The following EIF4E variants were observed in gnomAD, a reference collection of about 807,000 sequenced individuals.
EIF4E encodes eIF-4F 25 kDa subunit.
For missense variants in EIF4E, 113 were observed against 265.6 expected, an observed-to-expected ratio of 0.43 and a Z score of 3.99; for synonymous variants, 71 against 88.5, an observed-to-expected ratio of 0.80 and a Z score of 1.11.
At chr4:98,919,857 C>T (rs936285391) in intron 1 of EIF4E, among the ~76,000 whole-genome samples, 1 of 152,110 alleles carries the variant, frequency 6.6e-6, no homozygotes, top group African/African-American at 2.4e-5. Context: ...CCATGCCCGG[C>T]CAGAATTTCT....
At chr4:98,907,653 T>C (rs1478710884) in intron 1 of EIF4E, among the ~76,000 whole-genome samples, 1 of 152,160 alleles carries the variant, frequency 6.6e-6, no homozygotes, top group Non-Finnish European at 1.5e-5. Context: ...AATGGGTAGC[T>C]CAACAAGACA....
intron 1 of EIF4E, among the ~76,000 whole-genome samples, chr4:98,906,925 G>C (rs1313899103): frequency 6.6e-6 from 1 of 152,008 alleles, no homozygotes; most frequent in East Asian, 1.9e-4. Context: ...TATCTCCTAG[G>C]ATCACAATGG....
chr4:98,927,217 A>G (rs1478064688), intron 1 of EIF4E, among the ~76,000 whole-genome samples: 5 of 152,216 alleles, frequency 3.3e-5, no homozygotes, highest in Admixed American at 2.6e-4. Context: ...CCAGGAACAT[A>G]AATGAAAACT....
At chr4:98,882,206 C>A in intron 6 of EIF4E, among the ~76,000 whole-genome samples, 1 of 143,572 alleles carries the variant, frequency 7.0e-6, no homozygotes, top group East Asian at 1.9e-4. Context: ...TCCTGGCTAA[C>A]ATGGTGAAAC....
chr4:98,910,781 G>A (rs1226368949), intron 1 of EIF4E, among the ~76,000 whole-genome samples: 1 of 151,470 alleles, frequency 6.6e-6, no homozygotes, highest in Non-Finnish European at 1.5e-5. Flanking sequence ...ACAGGCTGGA[G>A]TGCAGTGGCA....
intron 1 of EIF4E, chr4:98,928,779 T>C (rs60658326): frequency 0.13 from 180,379 of 1,356,170 alleles, 18,524 homozygotes; most frequent in African/African-American, 0.53. Flanking sequence ...GACACCATCC[T>C]CGCATACCCA....
chr4:98,901,828 A>T lies in EIF4E; in HGVS notation c.125+48T>A, dbSNP rs1453759344. On this transcript the variant is annotated intron_variant, in intron 2 of 6. Coordinates refer to ENST00000450253, the MANE Select transcript of EIF4E (RefSeq NM_001968.5). ...TCCCTTCAAACTTGCCCCATTCACA[A>T]TTTACCTTGTGGCCTAACTCAGAAA... The T allele has an allele frequency of 3.2e-6, 5 of 1,551,936 alleles. No individual in the cohort carries two copies. In the Admixed American group the frequency reaches 8.3e-5, roughly 26 times the overall value.
intron 1 of EIF4E, among the ~76,000 whole-genome samples, chr4:98,906,808 T>C (rs1161868202): frequency 6.6e-6 from 1 of 152,178 alleles, no homozygotes; most frequent in Non-Finnish European, 1.5e-5. Flanking sequence ...TCTAGAGCCA[T>C]GTTCCCCATG....
chr4:98,904,704 G>A (rs1287846842), intron 1 of EIF4E, among the ~76,000 whole-genome samples: 3 of 152,220 alleles, frequency 2.0e-5, no homozygotes, highest in Admixed American at 1.3e-4. Context: ...CCAGGAGGCA[G>A]AGATTGCAGT....
At position 98,879,378 on chromosome 4, in the gene EIF4E, A is replaced by G. The variant is rs1723579779; in HGVS notation, c.*1650T>C. On this transcript the variant is annotated 3_prime_UTR_variant, in exon 7 of 7. Coordinates refer to ENST00000450253, the MANE Select transcript of EIF4E (RefSeq NM_001968.5). Reference sequence around the variant, plus strand: ...CATTCAAAGACAAATTTTCCTCTCAAAATAATAATTTCCATTCTGCTACCT... The same window carrying G: ...CATTCAAAGACAAATTTTCCTCTCAGAATAATAATTTCCATTCTGCTACCT... The G allele has an allele frequency of 6.6e-6, 1 of 152,110 alleles. No homozygotes were observed. The highest frequency in any genetic ancestry group is 6.5e-5 in the Admixed American group (1 of 15,274). The allele number at this position is 152,110 out of a possible 1,614,324, so 9.4% of individuals were successfully genotyped here.
intron 6 of EIF4E, among the ~76,000 whole-genome samples, chr4:98,882,590 A>C (rs1723744953): frequency 6.6e-6 from 1 of 152,082 alleles, no homozygotes; most frequent in African/African-American, 2.4e-5. Context: ...GGTATTAAAA[A>C]GTAATTTTAT....
intron 6 of EIF4E, among the ~76,000 whole-genome samples, chr4:98,882,550 A>T (rs1015828642): frequency 2.0e-5 from 3 of 152,086 alleles, no homozygotes; most frequent in African/African-American, 7.2e-5. Flanking sequence ...TATACCTTCC[A>T]GAAGATTTAC....
intron 2 of EIF4E, among the ~76,000 whole-genome samples, chr4:98,899,206 A>G (rs376463077): frequency 1.3e-5 from 2 of 152,304 alleles, no homozygotes; most frequent in East Asian, 1.9e-4. Context: ...ACTTGAAAAG[A>G]TATTCCATAA....
intron 5 of EIF4E, among the ~76,000 whole-genome samples, chr4:98,885,608 T>C (rs901584125): frequency 1.3e-5 from 2 of 152,044 alleles, no homozygotes; most frequent in South Asian, 2.1e-4. Context: ...CATGTCACCA[T>C]ACCCAGTTAA....
chr4:98,900,298 A>G (rs1724591760), intron 2 of EIF4E, among the ~76,000 whole-genome samples: 3 of 152,096 alleles, frequency 2.0e-5, no homozygotes, highest in Admixed American at 2.0e-4. Context: ...AGACTGTTTG[A>G]CCTCTGATGT....
chr4:98,915,701 C>G (rs1040779948), intron 1 of EIF4E, among the ~76,000 whole-genome samples: 1 of 151,664 alleles, frequency 6.6e-6, no homozygotes, highest in Non-Finnish European at 1.5e-5. Context: ...CCACCATGCC[C>G]AGCTAATTTT....
chr4:98,884,469 G>A (rs1304712142), intron 6 of EIF4E, among the ~76,000 whole-genome samples: 6 of 152,190 alleles, frequency 3.9e-5, no homozygotes, highest in Non-Finnish European at 8.8e-5. Context: ...TTGGGAGGCT[G>A]AGGTGGACGG....
At chr4:98,898,617 T>C (rs1199440066) in intron 2 of EIF4E, among the ~76,000 whole-genome samples, 1 of 152,080 alleles carries the variant, frequency 6.6e-6, no homozygotes, top group Non-Finnish European at 1.5e-5. Flanking sequence ...CTTCCCATTA[T>C]ATATTTTTTA....
chr4:98,885,733 T>C (rs1229898966), intron 5 of EIF4E, among the ~76,000 whole-genome samples: 1 of 152,164 alleles, frequency 6.6e-6, no homozygotes. Flanking sequence ...ATCACAGGTG[T>C]GAGCCCAGCC....
Sources: gnomAD v4.1 joint callset for allele counts (sites outside exome capture counted in the v4.1 genomes callset) on GRCh38, gnomAD v4.1.1 for gene constraint, MANE v1.5 for transcripts, NCBI Gene and HGNC (gene_info 2026-07-23, HGNC 2026-07-21) for gene names.